CLINT1: variants seen among roughly 807,000 people sequenced by gnomAD.
The protein encoded by CLINT1 is clathrin interactor 1.
CLINT1 carries 15 observed loss-of-function variants against 70.4 expected under a neutral mutation model. The observed-to-expected ratio is 0.21, with a 90% CI of 0.14 to 0.33. The LOEUF (loss-of-function observed/expected upper bound fraction) is 0.33. Ranked by LOEUF, CLINT1 falls within the 10% of genes least tolerant of loss-of-function variation. The probability of loss-of-function intolerance (pLI) is 1.00; values close to 1 mark genes in which losing one functional copy is unlikely to be tolerated. For synonymous variants in CLINT1, 227 were observed against 254.7 expected (o/e 0.89, Z 1.04); for missense variants, 615 against 778.1 (o/e 0.79, Z 2.49).
rs1294324023 is a variant in CLINT1 at position 157,843,027 on chromosome 5, TC to T, written c.41+15902del. On this transcript the variant is annotated intron_variant, in intron 1 of 11. Transcript: ENST00000411809. ...ACTGGTTTCACAAGAAGATCAAATA[TC>T]CAAGGTACTCAAAAATGAGTAGAGC... Among the ~76,000 whole-genome samples, 306 of 152,214 alleles carry T rather than the reference TC, an allele frequency of 2.0e-3. 5 individuals carry two copies. The highest frequency in any genetic ancestry group is 1.3e-4 in the Non-Finnish European group (9 of 68,010).
At position 157,789,290 on chromosome 5, in the gene CLINT1, T is replaced by C. The variant is rs1761830638; in HGVS notation, c.1531+73A>G. 6 of 1,245,782 alleles carry C rather than the reference T, an allele frequency of 4.8e-6. No homozygotes were observed. The South Asian group carries it at 7.3e-5, about 15-fold the overall frequency. 77.2% of individuals were successfully genotyped at this position (1,245,782 alleles called of 1,614,324 possible). On this transcript the variant is annotated intron_variant, in intron 11 of 11. Coordinates refer to ENST00000411809, the MANE Select transcript of CLINT1 (RefSeq NM_014666.4). ...TTATGTGATATATTTTTATTTATAG[T>C]TTGAAGTAGTCCTGGCATTAAGGCA...
intron 8 of CLINT1, among the ~76,000 whole-genome samples, chr5:157,796,992 T>G (rs1438435449): frequency 1.3e-5 from 2 of 152,122 alleles, no homozygotes; most frequent in Non-Finnish European, 2.9e-5. Context: ...AATTTTTACT[T>G]CATCTAAAAG....
At chr5:157,857,110 G>A (rs562253471) in intron 1 of CLINT1, among the ~76,000 whole-genome samples, 16 of 151,964 alleles carry the variant, frequency 1.1e-4, no homozygotes, top group Non-Finnish European at 1.9e-4. Flanking sequence ...TGCCAGGCAC[G>A]GTGATGCATG....
chr5:157,853,659 C>A (rs988948480), intron 1 of CLINT1, among the ~76,000 whole-genome samples: 1 of 151,592 alleles, frequency 6.6e-6, no homozygotes, highest in Admixed American at 6.6e-5. Flanking sequence ...TGCCTGTAAT[C>A]CCAGCTACTC....
chr5:157,814,471 T>C (rs1206041193), intron 3 of CLINT1, among the ~76,000 whole-genome samples, 178 bp from the exon 4 acceptor site: 1 of 152,198 alleles, frequency 6.6e-6, no homozygotes, highest in African/African-American at 2.4e-5. Context: ...AATTTGAAGT[T>C]CCTCTTATAT....
chr5:157,806,258 C>A, intron 6 of CLINT1, 146 bp from the exon 7 acceptor site: 1 of 765,498 alleles, frequency 1.3e-6, no homozygotes. Flanking sequence ...AGAATGTTAT[C>A]TAAGCTGTCT....
intron 9 of CLINT1, among the ~76,000 whole-genome samples, chr5:157,792,808 A>G (rs1761958246): frequency 6.6e-6 from 1 of 152,218 alleles, no homozygotes; most frequent in Non-Finnish European, 1.5e-5. Context: ...ATCAATTTTT[A>G]TATTGAAAGG....
intron 1 of CLINT1, among the ~76,000 whole-genome samples, chr5:157,844,207 T>C (rs1753291869): frequency 6.6e-6 from 1 of 152,174 alleles, no homozygotes; most frequent in Non-Finnish European, 1.5e-5. Flanking sequence ...TACTGAAATT[T>C]TGAAGACCTT....
intron 1 of CLINT1, among the ~76,000 whole-genome samples, chr5:157,845,078 G>A (rs1005158290): frequency 3.9e-5 from 6 of 152,244 alleles, no homozygotes; most frequent in African/African-American, 1.4e-4. Flanking sequence ...CCTGGGTGCA[G>A]TGGCTCACGC....
At chr5:157,811,099 A>T (rs1762542503) in intron 5 of CLINT1, among the ~76,000 whole-genome samples, 1 of 152,240 alleles carries the variant, frequency 6.6e-6, no homozygotes, top group African/African-American at 2.4e-5. Context: ...CAACAGTGTG[A>T]TGAACCAGAC....
At chr5:157,822,811 T>C (rs576283998) in intron 1 of CLINT1, among the ~76,000 whole-genome samples, 1 of 152,246 alleles carries the variant, frequency 6.6e-6, no homozygotes, top group Admixed American at 6.5e-5. Flanking sequence ...ATCAGTAAAA[T>C]AATTAACAAG....
At chr5:157,828,504 T>A (rs774862165) in intron 1 of CLINT1, among the ~76,000 whole-genome samples, 1 of 152,002 alleles carries the variant, frequency 6.6e-6, no homozygotes, top group Admixed American at 6.6e-5. Flanking sequence ...CACATGTACA[T>A]GTGAGCAAAG....
chr5:157,858,282 G>C (rs946845910), intron 1 of CLINT1, among the ~76,000 whole-genome samples: 4 of 152,150 alleles, frequency 2.6e-5, no homozygotes, highest in Admixed American at 6.5e-5. Flanking sequence ...AAAAGAAACA[G>C]AAGAAAAAAT....
chr5:157,798,024 A>G (rs1762114121), intron 8 of CLINT1, among the ~76,000 whole-genome samples: 1 of 152,198 alleles, frequency 6.6e-6, no homozygotes, highest in South Asian at 2.1e-4. Flanking sequence ...TTTTCTCTCT[A>G]ATCTTTTAAA....
chr5:157,830,404 G>A (rs763933572), intron 1 of CLINT1, among the ~76,000 whole-genome samples: 4 of 151,236 alleles, frequency 2.6e-5, no homozygotes, highest in African/African-American at 4.9e-5. Flanking sequence ...GGTAGCTTTC[G>A]GCCTCTTATT....
At chr5:157,854,714 C>T (rs187838383) in intron 1 of CLINT1, among the ~76,000 whole-genome samples, 287 of 152,234 alleles carry the variant, frequency 1.9e-3, no homozygotes, top group Non-Finnish European at 3.0e-3. Context: ...GGAACTAAAA[C>T]CAAGCAAATA....
At position 157,787,827 on chromosome 5, in the gene CLINT1, A is replaced by T; in HGVS notation, c.1697T>A (p.Leu566His). 6.2e-7 allele frequency: 1 copy of T among 1,613,956 alleles called. No individual in the cohort carries two copies. The highest frequency in any genetic ancestry group is 8.5e-7 in the Non-Finnish European group (1 of 1,179,868). Residue 566 changes from leucine (L) to histidine (H), a missense_variant, in exon 12 of 12, where the codon CTT becomes CAT. Coordinates refer to ENST00000411809, the MANE Select transcript of CLINT1 (RefSeq NM_014666.4). The part of the protein sequence containing the change: ...VMTGTMGMAP[L>H]GNTPMMNQSM... ...CTGGTTCATCATCGGAGTATTTCCA[A>T]GAGGGGCCATTCCCATGGTGCCAGT...
At chr5:157,788,166 T>C (rs1761786005) in intron 11 of CLINT1, 174 bp from the exon 12 acceptor site, 1 of 658,682 alleles carries the variant, frequency 1.5e-6, no homozygotes, top group South Asian at 1.8e-5. Flanking sequence ...TTGAGACATA[T>C]ATTCAGTGAC....
chr5:157,823,145 T>C (rs1762928209), intron 1 of CLINT1, among the ~76,000 whole-genome samples: 1 of 152,212 alleles, frequency 6.6e-6, no homozygotes, highest in African/African-American at 2.4e-5. Context: ...TCTAAATGTG[T>C]TCTGACGTAC....
Sources: allele counts gnomAD v4.1 joint callset (sites outside exome capture counted in the v4.1 genomes callset), GRCh38; gene constraint gnomAD v4.1.1; transcripts MANE v1.5; gene names NCBI Gene and HGNC (gene_info 2026-07-23, HGNC 2026-07-21).